The following LINGO2 variants were observed in gnomAD, a reference collection of about 807,000 sequenced individuals.
LINGO2 encodes leucine-rich repeat and immunoglobulin-like domain-containing nogo receptor-interacting protein 2.
LINGO2 carries 14 observed loss-of-function variants against 30.6 expected under a neutral mutation model. That is an observed-to-expected ratio of 0.46 (90% CI 0.30 to 0.72). The LOEUF is 0.72. LINGO2 is among the 30% of genes least tolerant of loss of function. LINGO2 has a pLI of 0.07. For missense variants in LINGO2, 729 were observed against 751.7 expected (o/e 0.97, Z 0.35); for synonymous variants, 317 against 288.5 (o/e 1.10, Z -1.00).
chr9:28,119,540 AG>A (rs1371710607), intron 4 of LINGO2, among the ~76,000 whole-genome samples: 1 of 152,244 alleles, frequency 6.6e-6, no homozygotes, highest in Non-Finnish European at 1.5e-5. Context: ...CAGGCATCTA[AG>A]TAAAGCTTTT....
the LINGO2 span, among the ~76,000 whole-genome samples, chr9:29,068,575 A>G: frequency 6.6e-6 from 1 of 151,974 alleles, no homozygotes; most frequent in East Asian, 1.9e-4. Flanking sequence ...ATTATATTTC[A>G]GTAAAATTTT....
chr9:28,934,871 G>C, the LINGO2 span, among the ~76,000 whole-genome samples: 1 of 152,084 alleles, frequency 6.6e-6, no homozygotes, highest in Non-Finnish European at 1.5e-5. Flanking sequence ...TACAGCCATT[G>C]TCTGCTGAAT....
At chr9:29,071,521 A>ATATATG in the LINGO2 span, among the ~76,000 whole-genome samples, 6 of 140,196 alleles carry the variant, frequency 4.3e-5, no homozygotes, top group East Asian at 1.3e-3. Context: ...ATATATATGT[A>ATATATG]TATGTATATA....
intron 1 of LINGO2, among the ~76,000 whole-genome samples, chr9:28,594,885 T>C (rs1825101167): frequency 6.6e-6 from 1 of 152,230 alleles, no homozygotes; most frequent in East Asian, 1.9e-4. Context: ...TGATTTTTCA[T>C]GTGTGAAATG....
the LINGO2 span, among the ~76,000 whole-genome samples, chr9:28,902,497 G>A: frequency 7.4e-4 from 113 of 152,132 alleles, no homozygotes; most frequent in African/African-American, 2.5e-3. Flanking sequence ...AAATCAATAA[G>A]GAAACATCAG....
At chr9:28,793,375 C>T in the LINGO2 span, among the ~76,000 whole-genome samples, 5 of 152,278 alleles carry the variant, frequency 3.3e-5, no homozygotes, top group South Asian at 1.0e-3. Flanking sequence ...AGAATTCAGG[C>T]TACATTTTCC....
the LINGO2 span, among the ~76,000 whole-genome samples, chr9:28,861,320 CTA>C: frequency 4.9e-5 from 6 of 122,336 alleles, no homozygotes; most frequent in South Asian, 2.3e-4. Context: ...ATATAATATA[CTA>C]TATATAATAT....
intron 4 of LINGO2, among the ~76,000 whole-genome samples, chr9:28,096,113 C>T (rs1005881763): frequency 2.0e-5 from 3 of 151,986 alleles, no homozygotes; most frequent in South Asian, 4.2e-4. Context: ...TGCACTCCAG[C>T]CTGAGTGACA....
chr9:28,034,157 G>T (rs2150989), intron 4 of LINGO2, among the ~76,000 whole-genome samples: 1 of 151,954 alleles, frequency 6.6e-6, no homozygotes, highest in African/African-American at 2.4e-5. Context: ...CCTGGGGCCA[G>T]GGCTTGCTGG....
At chr9:28,362,680 G>C (rs1820499366) in intron 3 of LINGO2, among the ~76,000 whole-genome samples, 1 of 152,038 alleles carries the variant, frequency 6.6e-6, no homozygotes, top group Admixed American at 6.6e-5. Flanking sequence ...ACGTTGGTCA[G>C]GCTGGTCTCG....
At chr9:28,924,050 T>C in the LINGO2 span, among the ~76,000 whole-genome samples, 1 of 152,182 alleles carries the variant, frequency 6.6e-6, no homozygotes, top group South Asian at 2.1e-4. Flanking sequence ...GATAAGACCA[T>C]GTCACTACTC....
the LINGO2 span, among the ~76,000 whole-genome samples, chr9:28,786,516 TA>T: frequency 6.6e-6 from 1 of 152,150 alleles, no homozygotes; most frequent in African/African-American, 2.4e-5. Context: ...AACTGAAAAT[TA>T]AAAAAGGAAA....
the LINGO2 span, among the ~76,000 whole-genome samples, chr9:28,772,836 T>C: frequency 1.3e-5 from 2 of 152,108 alleles, no homozygotes; most frequent in African/African-American, 2.4e-5. Flanking sequence ...AGTTAAGTAA[T>C]ATACTTAAGA....
the LINGO2 span, among the ~76,000 whole-genome samples, chr9:28,767,481 C>T: frequency 6.6e-6 from 1 of 152,054 alleles, no homozygotes; most frequent in Non-Finnish European, 1.5e-5. Flanking sequence ...TTTAGTCTTG[C>T]CCATTAAAAA....
At chr9:28,578,534 C>G (rs1038426900) in intron 1 of LINGO2, among the ~76,000 whole-genome samples, 10 of 152,052 alleles carry the variant, frequency 6.6e-5, no homozygotes, top group Non-Finnish European at 1.3e-4. Context: ...AATAAGACGT[C>G]TCTTACAAGA....
the LINGO2 span, among the ~76,000 whole-genome samples, chr9:28,977,626 C>T: frequency 6.6e-6 from 1 of 151,990 alleles, no homozygotes; most frequent in Non-Finnish European, 1.5e-5. Context: ...AATCAAAGCT[C>T]AAACTAAAAG....
rs1821377257 is a variant in LINGO2, at chr9:28,535,209, T to C, written c.-364-59184A>G. Among the ~76,000 whole-genome samples, 3 of 152,314 alleles carry C rather than the reference T, an allele frequency of 2.0e-5. No individual in the cohort carries two copies. In the South Asian group the frequency reaches 6.2e-4, roughly 32 times the overall value. ...TTTTAATTTTATCATATTTATACAATGGATTACTAGGTCACATTGAAAAGT... is the reference window on the plus strand; with the variant it reads ...TTTTAATTTTATCATATTTATACAACGGATTACTAGGTCACATTGAAAAGT... On this transcript the variant is annotated intron_variant, in intron 1 of 5. Transcript: ENST00000379992.
chr9:27,966,989 TG>T (rs1336560602), intron 5 of LINGO2, among the ~76,000 whole-genome samples: 4 of 152,194 alleles, frequency 2.6e-5, no homozygotes, highest in Non-Finnish European at 5.9e-5. Context: ...CATGAAAAAC[TG>T]GACTCTTTGA....
intron 4 of LINGO2, among the ~76,000 whole-genome samples, chr9:28,243,200 G>A (rs1421878018): frequency 2.0e-5 from 3 of 152,100 alleles, no homozygotes; most frequent in African/African-American, 7.2e-5. Context: ...GCTCACGCCT[G>A]TAATCCTAGC....
Sources: gnomAD v4.1 joint callset for allele counts (sites outside exome capture counted in the v4.1 genomes callset) on GRCh38, gnomAD v4.1.1 for gene constraint, MANE v1.5 for transcripts, NCBI Gene and HGNC (gene_info 2026-07-23, HGNC 2026-07-21) for gene names.